TMEM132B: variants seen among roughly 807,000 people sequenced by gnomAD.
TMEM132B encodes transmembrane protein 132B.
TMEM132B carries 18 observed loss-of-function variants against 90.8 expected under a neutral mutation model. The observed-to-expected ratio is 0.20, with a 90% confidence interval of 0.14 to 0.29. TMEM132B has a LOEUF of 0.29. TMEM132B is among the 10% of genes least tolerant of loss of function. TMEM132B has a pLI of 1.00. For synonymous variants in TMEM132B, 504 were observed against 523.3 expected (o/e 0.96, Z 0.50); for missense variants, 1,096 against 1,326.8 (o/e 0.83, Z 2.70).
intron 5 of TMEM132B, among the ~76,000 whole-genome samples, chr12:125,630,375 T>C (rs1886335705): frequency 2.0e-5 from 3 of 152,074 alleles, no homozygotes; most frequent in African/African-American, 7.2e-5. Context: ...GTGGGTTAAA[T>C]GTGTCTAGGA....
chr12:125,602,231 C>T (rs1211109992), intron 5 of TMEM132B, among the ~76,000 whole-genome samples: 4 of 152,102 alleles, frequency 2.6e-5, no homozygotes, highest in East Asian at 1.9e-4. Flanking sequence ...ACTGGCAAAC[C>T]GAATCTAGCA....
intron 3 of TMEM132B, among the ~76,000 whole-genome samples, chr12:125,457,978 A>G (rs1219657077): frequency 6.6e-6 from 1 of 152,122 alleles, no homozygotes; most frequent in Non-Finnish European, 1.5e-5. Context: ...ATGTGGGGTA[A>G]GGATTAAACA....
At chr12:125,509,669 A>ATTCTC (rs200999138) in intron 3 of TMEM132B, among the ~76,000 whole-genome samples, 1,801 of 152,256 alleles carry the variant, frequency 0.012, 13 homozygotes, top group Middle Eastern at 0.034. Flanking sequence ...AAGGAAGACT[A>ATTCTC]TTCTTTTATA....
At chr12:125,539,416 C>A (rs1883897387) in intron 4 of TMEM132B, among the ~76,000 whole-genome samples, 1 of 152,186 alleles carries the variant, frequency 6.6e-6, no homozygotes, top group African/African-American at 2.4e-5. Context: ...AGATGTGTTC[C>A]CCTCGATGAG....
rs537201700 is a variant in TMEM132B at position 125,356,976 on chromosome 12, C to G, written c.959+6633C>G. 1.2e-4 allele frequency among the ~76,000 whole-genome samples: 18 copies of G among 152,344 alleles called. No homozygotes were observed. In the East Asian group the frequency reaches 2.5e-3, roughly 21 times the overall value. ...GTTTATTGTCTGCTTTTCCTGCTAG[C>G]AAGTCATCTCCATAAGGGCAGGGAC... On this transcript the variant is annotated intron_variant, in intron 2 of 8. Coordinates refer to ENST00000682704, the MANE Select transcript of TMEM132B (RefSeq NM_001366854.1).
chr12:125,414,227 G>A (rs949619697), intron 2 of TMEM132B, among the ~76,000 whole-genome samples: 2 of 152,060 alleles, frequency 1.3e-5, no homozygotes, highest in South Asian at 2.1e-4. Context: ...CTTTATATAC[G>A]CTGAATGCTA....
intron 3 of TMEM132B, among the ~76,000 whole-genome samples, chr12:125,429,975 A>G (rs77401447): frequency 6.6e-6 from 1 of 152,040 alleles, no homozygotes; most frequent in South Asian, 2.1e-4. Flanking sequence ...GTATATACAG[A>G]TGTATTTGGA....
intron 6 of TMEM132B, among the ~76,000 whole-genome samples, chr12:125,650,184 A>G (rs1010799851): frequency 6.6e-6 from 1 of 152,108 alleles, no homozygotes; most frequent in African/African-American, 2.4e-5. Flanking sequence ...CTGAGGTGTC[A>G]TCATATCTTG....
chr12:125,189,117 C>T (rs1957780269), intron 1 of TMEM132B, among the ~76,000 whole-genome samples: 1 of 152,174 alleles, frequency 6.6e-6, no homozygotes, highest in African/African-American at 2.4e-5. Flanking sequence ...ACCCCCCTTC[C>T]TGCGTGGGTA....
At chr12:125,369,001 C>A (rs573782435) in intron 2 of TMEM132B, among the ~76,000 whole-genome samples, 1 of 152,000 alleles carries the variant, frequency 6.6e-6, no homozygotes, top group Non-Finnish European at 1.5e-5. Context: ...AGGTATATCT[C>A]CTAATGCTAT....
chr12:125,322,444 A>G (rs1421264600), intron 1 of TMEM132B, among the ~76,000 whole-genome samples: 1 of 152,236 alleles, frequency 6.6e-6, no homozygotes, highest in Non-Finnish European at 1.5e-5. Flanking sequence ...ATGTCTACAC[A>G]TGTATGTGAA....
intron 5 of TMEM132B, among the ~76,000 whole-genome samples, chr12:125,618,552 C>T (rs116988625): frequency 1.5e-3 from 234 of 152,344 alleles, no homozygotes; most frequent in Admixed American, 3.6e-3. Context: ...GGTTCTGGCT[C>T]ATGTGCCACT....
intron 5 of TMEM132B, among the ~76,000 whole-genome samples, chr12:125,636,579 T>A (rs370244240): frequency 1.3e-5 from 2 of 152,220 alleles, no homozygotes; most frequent in South Asian, 4.1e-4. Context: ...CTCTTCAAGC[T>A]GTAGTGTGTC....
chr12:125,377,274 A>C (rs2136280067), intron 2 of TMEM132B, among the ~76,000 whole-genome samples: 1 of 152,340 alleles, frequency 6.6e-6, no homozygotes, highest in South Asian at 2.1e-4. Context: ...CTGAGACAGC[A>C]GGGACTTATC....
At chr12:125,440,573 C>T (rs1370642481) in intron 3 of TMEM132B, among the ~76,000 whole-genome samples, 1 of 152,146 alleles carries the variant, frequency 6.6e-6, no homozygotes, top group African/African-American at 2.4e-5. Context: ...TTGCATCTCC[C>T]CCCTGATTAA....
intron 1 of TMEM132B, among the ~76,000 whole-genome samples, chr12:125,297,277 C>T (rs535259340): frequency 6.6e-6 from 1 of 152,336 alleles, no homozygotes; most frequent in Non-Finnish European, 1.5e-5. Context: ...CACGGTGGCA[C>T]ATGTTTCAAC....
chr12:125,416,858 C>G (rs144848649), intron 3 of TMEM132B, among the ~76,000 whole-genome samples: 166 of 152,356 alleles, frequency 1.1e-3, no homozygotes, highest in Admixed American at 1.6e-3. Context: ...CATGGTTTCC[C>G]TGCAGATTTG....
At chr12:125,474,481 G>A (rs1385099945) in intron 3 of TMEM132B, among the ~76,000 whole-genome samples, 1 of 151,970 alleles carries the variant, frequency 6.6e-6, no homozygotes, top group Admixed American at 6.6e-5. Flanking sequence ...GTAGAGAGGG[G>A]GTCTCCCAAG....
intron 5 of TMEM132B, among the ~76,000 whole-genome samples, chr12:125,609,080 A>G (rs145721178): frequency 9.1e-4 from 139 of 152,276 alleles, no homozygotes; most frequent in African/African-American, 3.1e-3. Flanking sequence ...TTATAAAACC[A>G]TCAGTCTCCT....
Sources: allele counts gnomAD v4.1 joint callset (sites outside exome capture counted in the v4.1 genomes callset), GRCh38; gene constraint gnomAD v4.1.1; transcripts MANE v1.5; gene names NCBI Gene and HGNC (gene_info 2026-07-23, HGNC 2026-07-21).